RPS29: variants seen among roughly 807,000 people sequenced by gnomAD.
The protein encoded by RPS29 is ribosomal protein S29.
For synonymous variants in RPS29, 37 were observed against 26.9 expected (o/e 1.37, Z -1.16); for missense variants, 60 against 75.7 (o/e 0.79, Z 0.77).
At chr14:49,577,565 C>A in exon 3 of RPS29, 2 of 633,054 alleles carry the variant, frequency 3.2e-6, no homozygotes, top group Admixed American at 2.3e-5. Flanking sequence ...ACGTTGTGGA[C>A]CAGGAACTTC....
At chr14:49,583,056 G>C (rs568145546), downstream of RPS29, among the ~76,000 whole-genome samples, 10 of 152,148 alleles carry the variant, frequency 6.6e-5, no homozygotes, top group South Asian at 2.1e-3. Flanking sequence ...TGTTGCCCAG[G>C]GTGGTCTCCT....
chr14:49,583,961 C>G (rs1012383176), intron 2 of RPS29, among the ~76,000 whole-genome samples: 1 of 152,136 alleles, frequency 6.6e-6, no homozygotes, highest in African/African-American at 2.4e-5. Context: ...GATAGTTGTT[C>G]AGTAGGCAAC....
chr14:49,584,779 T>G (rs1419545027), intron 2 of RPS29, among the ~76,000 whole-genome samples: 1 of 94,838 alleles, frequency 1.1e-5, no homozygotes, highest in Admixed American at 1.3e-4. Context: ...AAAAAAAAAT[T>G]TACATCATTA....
intron 2 of RPS29, among the ~76,000 whole-genome samples, chr14:49,584,203 G>A (rs1881435530): frequency 6.6e-6 from 1 of 152,176 alleles, no homozygotes; most frequent in Non-Finnish European, 1.5e-5. Flanking sequence ...GGAAACCCTG[G>A]GCTCAAGAAA....
chr14:49,585,885 C>T, intron 2 of RPS29, 65 bp downstream of exon 2: 1 of 1,265,174 alleles, frequency 7.9e-7, no homozygotes, highest in Non-Finnish European at 1.2e-6. Flanking sequence ...TTGTCTTTCG[C>T]GGAAAAAATA....
At chr14:49,580,342 T>C (rs186050450), downstream of RPS29, among the ~76,000 whole-genome samples, 2 of 152,312 alleles carry the variant, frequency 1.3e-5, no homozygotes, top group East Asian at 3.9e-4. Flanking sequence ...AAATCTTTTC[T>C]ACATCCTCAA....
intron 1 of RPS29, among the ~76,000 whole-genome samples, chr14:49,596,909 T>C (rs1566487822): frequency 1.3e-5 from 2 of 148,966 alleles, no homozygotes; most frequent in Admixed American, 6.9e-5. Flanking sequence ...CAACTAATTT[T>C]TTCTTCTTCT....
chr14:49,585,759 A>G, intron 2 of RPS29, 191 bp downstream of exon 2: 4 of 578,384 alleles, frequency 6.9e-6, no homozygotes, highest in South Asian at 6.6e-5. Context: ...CACCTTCTCC[A>G]TTCTATTAAT....
In RPS29 at chr14:49,598,358, C is replaced by A. The variant is rs1881884471; in HGVS notation, c.-133+42G>T. Reference sequence around the variant, plus strand: ...TTGTGCGGTCTGGACGGTCTTTCCACGTCTCAGGTGCAGTTAAGCCAGTCA... The same window carrying A: ...TTGTGCGGTCTGGACGGTCTTTCCAAGTCTCAGGTGCAGTTAAGCCAGTCA... On this transcript the variant is annotated intron_variant, in intron 1 of 3. Coordinates refer to the RPS29 transcript ENST00000556230. 5 of 649,522 alleles carry A rather than the reference C, an allele frequency of 7.7e-6. No individual in the cohort carries two copies. The East Asian group carries it at 1.4e-4, about 18-fold the overall frequency. The allele number at this position is 649,522 out of a possible 1,614,324, so 40.2% of individuals were successfully genotyped here.
upstream of RPS29, chr14:49,586,415 A>G: frequency 7.1e-7 from 1 of 1,411,140 alleles, no homozygotes; most frequent in Admixed American, 1.7e-5. Context: ...CAAATTTTTG[A>G]GACAGTTTAC....
upstream of RPS29, among the ~76,000 whole-genome samples, chr14:49,589,791 A>AT (rs998848726): frequency 2.0e-5 from 3 of 152,224 alleles, no homozygotes; most frequent in African/African-American, 7.2e-5. Context: ...CTAAATAGCA[A>AT]TTTTTTAAGC....
chr14:49,571,559 T>C (rs1482497486), exon 3 of RPS29: 1 of 152,184 alleles, frequency 6.6e-6, no homozygotes, highest in Non-Finnish European at 1.5e-5. Context: ...ATTACATAGC[T>C]GGTGCTTTGA....
chr14:49,584,379 A>G (rs1881443230), intron 2 of RPS29, among the ~76,000 whole-genome samples: 1 of 152,246 alleles, frequency 6.6e-6, no homozygotes, highest in Admixed American at 6.5e-5. Context: ...TTTAACAAGA[A>G]GCATATACTG....
intron 1 of RPS29, among the ~76,000 whole-genome samples, chr14:49,593,688 G>C (rs994479422): frequency 1.3e-4 from 2 of 15,774 alleles, no homozygotes; most frequent in Non-Finnish European, 3.2e-4. Context: ...GCAAGACTCT[G>C]TCTCAAAAAA....
downstream of RPS29, among the ~76,000 whole-genome samples, chr14:49,583,145 T>G (rs1235318241): frequency 6.6e-6 from 1 of 152,178 alleles, no homozygotes. Flanking sequence ...TTGTAAAGTA[T>G]AAAAATAAAA....
chr14:49,577,124 C>G (rs1594566642), exon 3 of RPS29: 1 of 152,482 alleles, frequency 6.6e-6, no homozygotes, highest in African/African-American at 2.4e-5. Context: ...ACCTGTAATC[C>G]CAGCCACTTG....
upstream of RPS29, among the ~76,000 whole-genome samples, chr14:49,590,735 G>A (rs572130081): frequency 8.1e-4 from 122 of 150,128 alleles, no homozygotes; most frequent in African/African-American, 3.0e-3. Context: ...CTGTCACCCA[G>A]GCTGGAGTGC....
downstream of RPS29, chr14:49,583,550 T>A: frequency 9.4e-7 from 1 of 1,063,714 alleles, no homozygotes; most frequent in East Asian, 2.6e-5. Flanking sequence ...GCTATTCCAG[T>A]CACATTAGAA....
At chr14:49,577,873 C>A in intron 2 of RPS29, 1 of 1,569,162 alleles carries the variant, frequency 6.4e-7, no homozygotes, top group Non-Finnish European at 8.7e-7. Flanking sequence ...TAAAAGAGGA[C>A]CCATAAAAAG....
Sources: gnomAD v4.1 joint callset for allele counts (sites outside exome capture counted in the v4.1 genomes callset) on GRCh38, gnomAD v4.1.1 for gene constraint, MANE v1.5 for transcripts, NCBI Gene and HGNC (gene_info 2026-07-23, HGNC 2026-07-21) for gene names.